Variants in SH3D21 observed in about 807,000 individuals in gnomAD.
The protein encoded by SH3D21 is manchette microtubule inner protein 1, also known as SH3 domain-containing protein 21.
A neutral mutation model predicts 82.1 loss-of-function variants in SH3D21; 83 were observed. The ratio of observed to expected loss-of-function variants is 1.01; its 90% CI spans 0.85 to 1.21. SH3D21 has a LOEUF of 1.21. Ranked by LOEUF, SH3D21 falls within the 50% of genes most tolerant of loss-of-function variation. The probability of loss-of-function intolerance (pLI) is 0.00; values close to 1 mark genes in which losing one functional copy is unlikely to be tolerated. For synonymous variants in SH3D21, 383 were observed against 387.8 expected, an observed-to-expected ratio of 0.99 and a Z score of 0.15; for missense variants, 980 against 962.1, an observed-to-expected ratio of 1.02 and a Z score of -0.25.
At chr1:36,311,786 TG>T (rs1557475821) in intron 10 of SH3D21, among the ~76,000 whole-genome samples, 4 of 152,106 alleles carry the variant, frequency 2.6e-5, no homozygotes, top group Middle Eastern at 3.4e-3. Context: ...TTCAACCTCC[TG>T]GGCTTAAGCG....
chr1:36,307,243 G>A lies in SH3D21; in HGVS notation c.303G>A (p.Glu101=). ...GCTACAGCCCAGAGCAGGCGGACGA[G>A]CTGAAGCTGCAAGCTGGGGAGATCG... ...NFSYSPEQAD[E]LKLQAGEIVE... is the part of the protein sequence containing the mutation. Residue 101 remains glutamate (E), a synonymous_variant, in exon 4 of 16, where the codon GAG becomes GAA. Coordinates refer to ENST00000453908, the MANE Select transcript of SH3D21 (RefSeq NM_001162530.2). This position sits in a 1 kb window ranked among gnomAD's most constrained non-coding sequence, Gnocchi z 5.4. 2 of 1,551,842 alleles carry A rather than the reference G, an allele frequency of 1.3e-6. No homozygotes were observed. Among genetic ancestry groups the A allele is most frequent in the African/African-American group, 1.4e-5 (1 of 73,196 alleles).
chr1:36,322,161 C>T (rs1646473820), downstream of SH3D21: 1 of 1,359,552 alleles, frequency 7.4e-7, no homozygotes, highest in South Asian at 1.6e-5. Context: ...AAGGGAGCCT[C>T]TCAGGGGGTG....
At position 36,320,488 on chromosome 1, in the gene SH3D21, C is replaced by CAG; in HGVS notation, c.1828_1829dup (p.Pro611GlyfsTer3). 2 of 1,614,064 alleles carry CAG rather than the reference C, an allele frequency of 1.2e-6. No individual in the cohort carries two copies. The highest frequency in any genetic ancestry group is 1.6e-4 in the Middle Eastern group (1 of 6,062). ...TGAAGAGGAGGCGCCCCCCAACGAG[C>CAG]AGAGGCCTCTGAGAGAGGAGGTGCT... is the stretch of plus-strand genomic sequence containing the variant. On this transcript the variant is annotated frameshift_variant, in exon 14 of 16. Transcript: ENST00000453908. LOFTEE classifies it high-confidence loss of function.
At chr1:36,322,308 A>T (rs781535883), downstream of SH3D21, 2 of 1,542,028 alleles carry the variant, frequency 1.3e-6, no homozygotes. Flanking sequence ...GTAATAGTGC[A>T]TGCGGCCCAG....
At chr1:36,323,266 C>A (rs949285765), downstream of SH3D21, among the ~76,000 whole-genome samples, 7 of 152,306 alleles carry the variant, frequency 4.6e-5, no homozygotes, top group South Asian at 1.2e-3. Flanking sequence ...CTGGGAGCAG[C>A]GCCGGGGACC....
intron 10 of SH3D21, among the ~76,000 whole-genome samples, chr1:36,312,588 C>A (rs1646262313): frequency 6.6e-6 from 1 of 152,152 alleles, no homozygotes; most frequent in South Asian, 2.1e-4. Context: ...TTCACTCCTG[C>A]CTTTTAATTT....
rs1475422443 is a variant in SH3D21 at position 36,307,887 on chromosome 1, T to A, written c.493-31T>A. 4 of 1,551,502 alleles carry A rather than the reference T, an allele frequency of 2.6e-6. No individual in the cohort carries two copies. In the African/African-American group the frequency reaches 5.5e-5, roughly 21 times the overall value. ...TCCTCTTGGGGTGGTTGGAGGCTCATCTAGTTCCTCCCTGCCCCTTCCCCC... is the reference window on the plus strand; with the variant it reads ...TCCTCTTGGGGTGGTTGGAGGCTCAACTAGTTCCTCCCTGCCCCTTCCCCC... On this transcript the variant is annotated intron_variant, in intron 6 of 15. Coordinates refer to ENST00000453908, the MANE Select transcript of SH3D21 (RefSeq NM_001162530.2). The surrounding 1 kb of genome is among the most constrained non-coding windows in gnomAD (Gnocchi z 5.4).
intron 10 of SH3D21, among the ~76,000 whole-genome samples, chr1:36,317,479 G>C (rs1019683873): frequency 6.6e-6 from 1 of 152,146 alleles, no homozygotes. Flanking sequence ...GTGTGTAACT[G>C]CCTTCAAGTG....
chr1:36,316,170 T>G (rs1220152729), intron 10 of SH3D21, among the ~76,000 whole-genome samples: 2 of 152,238 alleles, frequency 1.3e-5, no homozygotes, highest in Non-Finnish European at 2.9e-5. Flanking sequence ...TTTTAATCTG[T>G]GGGACTCTTG....
chr1:36,327,716 C>T (rs1646559364), downstream of SH3D21: 1 of 1,212,824 alleles, frequency 8.2e-7, no homozygotes, highest in South Asian at 1.5e-5. Flanking sequence ...GCTGTCTTCT[C>T]CAGGGGCTTG....
At position 36,307,655 on chromosome 1, in the gene SH3D21, C is replaced by T. The variant is rs900448636; in HGVS notation, c.436+48C>T. 1.3e-6 allele frequency: 2 copies of T among 1,545,082 alleles called. No individual in the cohort carries two copies. The highest frequency in any genetic ancestry group is 4.9e-5 in the East Asian group (2 of 40,798). On this transcript the variant is annotated intron_variant, in intron 5 of 15. Transcript: ENST00000453908. The surrounding 1 kb of genome is among the most constrained non-coding windows in gnomAD (Gnocchi z 5.4). The stretch of plus-strand genomic sequence containing the variant: ...CTGTGACTCGCAATCTCCAATGACC[C>T]TCCCAGTGGCATGAGCCTGTGATTC...
chr1:36,324,282 CGCTCTTGT>C (rs927703125), downstream of SH3D21: 1 of 152,434 alleles, frequency 6.6e-6, no homozygotes, highest in African/African-American at 2.4e-5. Context: ...CGAGCTCCTG[CGCTCTTGT>C]GCACCAAGCA....
In SH3D21 at chr1:36,306,857, CTGCGGGGCTCCG is replaced by C; in HGVS notation, c.179_190del (p.Leu60_Gly64delinsArg). 7.7e-7 allele frequency: 1 copy of C among 1,297,702 alleles called. No individual in the cohort carries two copies. Among genetic ancestry groups the C allele is most frequent in the African/African-American group, 1.5e-5 (1 of 64,548 alleles). The allele number at this position is 1,297,702 out of a possible 1,614,324, so 80.4% of individuals were successfully genotyped here. A position where few individuals can be genotyped will look rare whatever the true frequency, so the allele number is the denominator to read the frequency against. ...TGATTCCCAGGAGATCCCAGAGACC[CTGCGGGGCTCCG>C]GAGAGGCGCGGAGGCCGCGCTGTGC... On this transcript the variant is annotated inframe_deletion, in exon 3 of 16. Transcript: ENST00000453908. This position sits in a 1 kb window ranked among gnomAD's most constrained non-coding sequence, Gnocchi z 4.5.
chr1:36,324,009 T>A (rs2124708479), downstream of SH3D21: 1 of 152,446 alleles, frequency 6.6e-6, no homozygotes, highest in South Asian at 2.1e-4. Flanking sequence ...AATCTGCTGC[T>A]CTCTGATCCT....
chr1:36,320,247 G>C lies in SH3D21; in HGVS notation c.1584G>C (p.Glu528Asp), dbSNP rs749589701. The C allele has an allele frequency of 6.8e-6, 11 of 1,613,086 alleles. No individual in the cohort carries two copies. In the South Asian group the frequency reaches 1.2e-4, roughly 18 times the overall value. Residue 528 changes from glutamate to aspartate, a missense_variant, in exon 14 of 16, where the codon GAG becomes GAC. Transcript: ENST00000453908. The stretch of plus-strand genomic sequence containing the variant: ...CCAAAGAGGATCCATCATCCCAGGA[G>C]GAGGCCCACACGCCAGAGGCACCCC... ...FVAKEDPSSQ[E>D]EAHTPEAPPP...
rs1305505387 is a variant in SH3D21, at chr1:36,307,277, A to G, written c.337A>G (p.Ile113Val). ...GCAAGCTGGGGAGATCGTGGAAATG[A>G]TAAAGGAGGTGAGGGGTGAGGTGAT... Reference protein sequence around the residue: ...KLQAGEIVEMIKEIEDGWWLG... With the variant: ...KLQAGEIVEMVKEIEDGWWLG... The change falls in exon 4 of 16, where the codon ATA becomes GTA. Residue 113 changes from isoleucine to valine, a missense_variant. Physicochemically the swap from Ile to Val is conservative, Grantham distance 29. Coordinates refer to ENST00000453908, the MANE Select transcript of SH3D21 (RefSeq NM_001162530.2). The surrounding 1 kb of genome is among the most constrained non-coding windows in gnomAD (Gnocchi z 5.4). 1 of 1,551,722 alleles carries G rather than the reference A, an allele frequency of 6.4e-7. No homozygotes were observed. The highest frequency in any genetic ancestry group is 8.7e-7 in the Non-Finnish European group (1 of 1,147,042).
intron 10 of SH3D21, among the ~76,000 whole-genome samples, chr1:36,314,331 C>G (rs938351935): frequency 6.6e-6 from 1 of 151,384 alleles, no homozygotes; most frequent in Non-Finnish European, 1.5e-5. Context: ...CTGTTTGGAT[C>G]CTTTGCCCAT....
chr1:36,307,629 C>A lies in SH3D21; in HGVS notation c.436+22C>A. The A allele has an allele frequency of 6.4e-7, 1 of 1,550,422 alleles. No individual in the cohort carries two copies. On this transcript the variant is annotated intron_variant, in intron 5 of 15. Transcript: ENST00000453908. This position sits in a 1 kb window ranked among gnomAD's most constrained non-coding sequence, Gnocchi z 5.4. Reference sequence around the variant, plus strand: ...CCAAGTGAGACCTCGACTCTGTGACCCTGTGACTCGCAATCTCCAATGACC... The same window carrying A: ...CCAAGTGAGACCTCGACTCTGTGACACTGTGACTCGCAATCTCCAATGACC...
downstream of SH3D21, chr1:36,327,942 G>A (rs538890283): frequency 1.8e-5 from 20 of 1,138,050 alleles, no homozygotes; most frequent in African/African-American, 1.9e-4. Context: ...CCAGCCACCC[G>A]CTTCGGATCT....
Sources: allele counts gnomAD v4.1 joint callset (sites outside exome capture counted in the v4.1 genomes callset), GRCh38; gene constraint gnomAD v4.1.1; non-coding constraint Gnocchi (gnomAD v3.1); transcripts MANE v1.5; gene names NCBI Gene and HGNC (gene_info 2026-07-23, HGNC 2026-07-21).